The following DENND4A variants were observed in gnomAD, a reference collection of about 807,000 sequenced individuals.
The protein encoded by DENND4A is C-myc promoter-binding protein.
Under a neutral mutation model 199.3 loss-of-function variants are expected in DENND4A, and 70 were observed. The observed-to-expected ratio is 0.35, with a 90% confidence interval of 0.29 to 0.43. The LOEUF (loss-of-function observed/expected upper bound fraction) is 0.43, where lower values mean the gene tolerates loss of function less well. Ranked by LOEUF, DENND4A falls within the 20% of genes least tolerant of loss-of-function variation. The pLI is 1.00. For missense variants in DENND4A, 1,723 were observed against 2,255.8 expected, an observed-to-expected ratio of 0.76 and a Z score of 4.78; for synonymous variants, 686 against 766.9, an observed-to-expected ratio of 0.89 and a Z score of 1.74.
chr15:65,719,030 T>C (rs1385499699), intron 12 of DENND4A, among the ~76,000 whole-genome samples: 2 of 151,904 alleles, frequency 1.3e-5, no homozygotes, highest in Non-Finnish European at 2.9e-5. Flanking sequence ...TCCGCCTACC[T>C]TGGCCTCCCA....
chr15:65,727,440 G>A (rs1204511845), intron 11 of DENND4A, among the ~76,000 whole-genome samples: 5 of 130,600 alleles, frequency 3.8e-5, no homozygotes, highest in African/African-American at 1.2e-4. Context: ...GTGACAAAGC[G>A]AGACTCCGTC....
intron 1 of DENND4A, among the ~76,000 whole-genome samples, chr15:65,783,256 A>T (rs991092162): frequency 6.6e-6 from 1 of 152,222 alleles, no homozygotes; most frequent in African/African-American, 2.4e-5. Flanking sequence ...TAACAATTCT[A>T]AAAGTGCTGT....
intron 20 of DENND4A, among the ~76,000 whole-genome samples, chr15:65,699,333 C>G (rs1052750604): frequency 1.3e-4 from 19 of 151,862 alleles, no homozygotes; most frequent in Non-Finnish European, 2.9e-5. Context: ...TAAGAGTTTG[C>G]TCTTATCTGT....
chr15:65,676,781 C>G (rs902912322), intron 23 of DENND4A, 147 bp from the exon 24 acceptor site: 1 of 643,316 alleles, frequency 1.6e-6, no homozygotes, highest in Non-Finnish European at 2.5e-6. Flanking sequence ...AAAAAACAAG[C>G]AATTTTACAA....
At position 65,659,331 on chromosome 15, in the gene DENND4A, T is replaced by G. The variant is rs78613896; in HGVS notation, c.*2520A>C. 3.2e-5 allele frequency: 4 copies of G among 126,044 alleles called. No homozygotes were observed. Among genetic ancestry groups the G allele is most frequent in the Admixed American group, 7.9e-5 (1 of 12,666 alleles). The allele number at this position is 126,044 out of a possible 1,614,324, so 7.8% of individuals were successfully genotyped here. On this transcript the variant is annotated 3_prime_UTR_variant, in exon 33 of 33. Coordinates refer to ENST00000443035, the MANE Select transcript of DENND4A (RefSeq NM_001320835.1). ...TGATTGATATTTTCTGGTTTTTTTTTTTTTTTTTTTTTTTTTTTTTGAGAC... is the reference window on the plus strand; with the variant it reads ...TGATTGATATTTTCTGGTTTTTTTTGTTTTTTTTTTTTTTTTTTTTGAGAC...
chr15:65,715,849 T>C (rs2075381860), intron 13 of DENND4A, among the ~76,000 whole-genome samples: 1 of 152,154 alleles, frequency 6.6e-6, no homozygotes, highest in Non-Finnish European at 1.5e-5. Context: ...GTCTCCACTG[T>C]TCTCTCACCA....
At chr15:65,730,313 A>G (rs2075922238) in intron 9 of DENND4A, among the ~76,000 whole-genome samples, 1 of 152,164 alleles carries the variant, frequency 6.6e-6, no homozygotes, top group South Asian at 2.1e-4. Context: ...ATAGTTCAGT[A>G]AGCCAGCAAG....
At chr15:65,702,139 CTG>C (rs2074893933) in intron 17 of DENND4A, among the ~76,000 whole-genome samples, 164 bp downstream of exon 17, 1 of 152,126 alleles carries the variant, frequency 6.6e-6, no homozygotes, top group Non-Finnish European at 1.5e-5. Context: ...TGGCACATGA[CTG>C]TAGTCACAGC....
chr15:65,771,577 T>G, intron 1 of DENND4A: 1 of 1,612,860 alleles, frequency 6.2e-7, no homozygotes, highest in Non-Finnish European at 8.5e-7. Flanking sequence ...CAGAAAAACC[T>G]CCATCTCCTC....
chr15:65,783,480 G>T (rs550429811), intron 1 of DENND4A, among the ~76,000 whole-genome samples: 1 of 152,056 alleles, frequency 6.6e-6, no homozygotes, highest in Non-Finnish European at 1.5e-5. Context: ...TATTTTCCAG[G>T]TCTATACACT....
At chr15:65,729,783 A>G in intron 9 of DENND4A, 105 bp from the exon 10 acceptor site, 1 of 1,039,522 alleles carries the variant, frequency 9.6e-7, no homozygotes, top group Non-Finnish European at 1.3e-6. Flanking sequence ...TTTGTATTAT[A>G]TATGTTGATT....
At chr15:65,714,399 C>T (rs1415009859) in intron 14 of DENND4A, among the ~76,000 whole-genome samples, 3 of 143,704 alleles carry the variant, frequency 2.1e-5, no homozygotes, top group East Asian at 2.1e-4. Context: ...GGTGACAGAG[C>T]GAGACTCCGT....
intron 11 of DENND4A, among the ~76,000 whole-genome samples, chr15:65,728,282 C>T (rs1033914672): frequency 1.8e-4 from 27 of 151,952 alleles, no homozygotes; most frequent in Admixed American, 9.2e-4. Context: ...GGATTATAGG[C>T]GTCAGCCACC....
Position 65,756,149 on chromosome 15 carries a change from G to A in DENND4A, c.302C>T (p.Thr101Ile). Residue 101 changes from threonine (T) to isoleucine (I), a missense_variant, in exon 3 of 33, where the codon ACA becomes ATA. This residue lies in a region of DENND4A where 725 missense variants were observed against 952.9 expected (regional missense o/e 0.76). Coordinates refer to ENST00000443035, the MANE Select transcript of DENND4A (RefSeq NM_001320835.1). The part of the protein sequence containing the change: ...YRRGRDKPPL[T>I]DLGVLYDWKE... ...TTAAAAAAATACTTACCCCAGATCT[G>A]TAAGTGGAGGCTTATCTCTTCCTCT... 6.2e-7 allele frequency: 1 copy of A among 1,605,266 alleles called. No homozygotes were observed. Among genetic ancestry groups the A allele is most frequent in the South Asian group, 1.1e-5 (1 of 89,330 alleles).
At chr15:65,684,237 A>C (rs1373605373) in intron 23 of DENND4A, among the ~76,000 whole-genome samples, 1 of 152,184 alleles carries the variant, frequency 6.6e-6, no homozygotes, top group Non-Finnish European at 1.5e-5. Flanking sequence ...GATTATTTAG[A>C]GTGGAACTGC....
chr15:65,743,883 G>T (rs2076319680), intron 4 of DENND4A, among the ~76,000 whole-genome samples: 1 of 152,122 alleles, frequency 6.6e-6, no homozygotes, highest in Admixed American at 6.6e-5. Flanking sequence ...AGATCATGTG[G>T]GTCCTTTTAG....
intron 23 of DENND4A, among the ~76,000 whole-genome samples, chr15:65,687,398 CTTTTT>C (rs902152426): frequency 1.3e-5 from 2 of 150,234 alleles, no homozygotes; most frequent in African/African-American, 2.4e-5. Context: ...TTTTTCTTTT[CTTTTT>C]TTTTCAGTTT....
chr15:65,686,889 G>C (rs2076803814), intron 23 of DENND4A, among the ~76,000 whole-genome samples: 1 of 151,820 alleles, frequency 6.6e-6, no homozygotes, highest in South Asian at 2.1e-4. Context: ...AAATTGTACA[G>C]ACAGGGTCTT....
chr15:65,667,189 G>A (rs1239951192), intron 29 of DENND4A, among the ~76,000 whole-genome samples: 1 of 152,160 alleles, frequency 6.6e-6, no homozygotes, highest in Non-Finnish European at 1.5e-5. Flanking sequence ...AATTAGCTGA[G>A]CGTGGTGGTG....
Sources: gnomAD v4.1 joint callset for allele counts (sites outside exome capture counted in the v4.1 genomes callset) on GRCh38, gnomAD v4.1.1 for gene constraint, gnomAD v4.1.1 regional missense constraint, MANE v1.5 for transcripts, NCBI Gene and HGNC (gene_info 2026-07-23, HGNC 2026-07-21) for gene names.